Variants in TRPM6 observed in about 807,000 individuals in gnomAD.
TRPM6 encodes channel kinase 2.
Under a neutral mutation model 247.6 loss-of-function variants are expected in TRPM6, and 111 were observed. The observed-to-expected ratio is 0.45, with a 90% confidence interval of 0.38 to 0.52. TRPM6 has a LOEUF of 0.52. TRPM6 is among the 20% of genes least tolerant of loss of function. TRPM6 has a pLI of 0.00. For missense variants in TRPM6, 2,126 were observed against 2,421.5 expected (o/e 0.88, Z 2.56); for synonymous variants, 892 against 853.8 (o/e 1.04, Z -0.78).
Position 74,762,148 on chromosome 9 carries a change from T to C in TRPM6, c.4523A>G (p.Gln1508Arg). ...SLSDNSTRSA[Q>R]SSECSEVGPW... The stretch of plus-strand genomic sequence containing the variant: ...TCCCACCTCTGAGCATTCACTACTC[T>C]GGGCCGATCTTGTTGAGTTATCAGA... The change falls in exon 26 of 39, where the codon CAG (glutamine) becomes CGG (arginine). Residue 1508 changes from glutamine to arginine, a missense_variant. Physicochemically the swap from Gln to Arg is conservative, Grantham distance 43. Around this residue, in one of 3 missense-constraint regions of TRPM6, gnomAD observed 717 missense variants for 715.9 expected, o/e 1.00. Transcript: ENST00000360774. 6.2e-7 allele frequency: 1 copy of C among 1,614,212 alleles called. No individual in the cohort carries two copies. The highest frequency in any genetic ancestry group is 8.5e-7 in the Non-Finnish European group (1 of 1,180,020).
intron 1 of TRPM6, among the ~76,000 whole-genome samples, chr9:74,871,718 ACT>A (rs1491292445): frequency 7.2e-5 from 11 of 152,090 alleles, no homozygotes; most frequent in Admixed American, 6.6e-4. Context: ...CTTACGAGCA[ACT>A]TTTTTTTTGA....
intron 21 of TRPM6, among the ~76,000 whole-genome samples, chr9:74,785,340 A>T (rs7019994): frequency 0.32 from 47,976 of 151,950 alleles, 8,880 homozygotes; most frequent in African/African-American, 0.52. Context: ...TAATAATTAA[A>T]TGTACATTTA....
At chr9:74,880,843 A>G (rs1289946172) in intron 1 of TRPM6, among the ~76,000 whole-genome samples, 2 of 152,236 alleles carry the variant, frequency 1.3e-5, no homozygotes, top group African/African-American at 2.4e-5. Flanking sequence ...ATGATAAACA[A>G]TAAGAGAGAA....
intron 23 of TRPM6, among the ~76,000 whole-genome samples, chr9:74,780,918 A>C (rs1488063063): frequency 6.6e-6 from 1 of 152,200 alleles, no homozygotes; most frequent in African/African-American, 2.4e-5. Context: ...GATTTGGGAA[A>C]GACTACATTA....
intron 5 of TRPM6, among the ~76,000 whole-genome samples, chr9:74,839,098 G>A (rs945994897): frequency 5.6e-4 from 78 of 139,450 alleles, no homozygotes; most frequent in African/African-American, 1.9e-3. Flanking sequence ...TGACAAGAGC[G>A]AGACTTCATC....
intron 1 of TRPM6, among the ~76,000 whole-genome samples, chr9:74,871,736 G>T (rs1831037505): frequency 6.6e-6 from 1 of 151,828 alleles, no homozygotes; most frequent in Non-Finnish European, 1.5e-5. Context: ...TTTGAGAGGG[G>T]GTCTCACTAT....
At chr9:74,813,140 C>T (rs1828795379) in intron 11 of TRPM6, among the ~76,000 whole-genome samples, 1 of 152,134 alleles carries the variant, frequency 6.6e-6, no homozygotes, top group African/African-American at 2.4e-5. Context: ...GGCTTCTAGG[C>T]ACAAATGGCA....
intron 35 of TRPM6, among the ~76,000 whole-genome samples, chr9:74,738,974 T>G (rs1423271945): frequency 6.6e-6 from 1 of 152,218 alleles, no homozygotes; most frequent in East Asian, 1.9e-4. Flanking sequence ...GACACTCAAG[T>G]GAAAGTAACA....
intron 17 of TRPM6, among the ~76,000 whole-genome samples, chr9:74,799,563 C>T (rs1417030793): frequency 2.0e-5 from 3 of 148,398 alleles, no homozygotes; most frequent in African/African-American, 7.3e-5. Flanking sequence ...CACACACACA[C>T]ACACACACAT....
At chr9:74,750,988 A>T (rs998849267) in intron 29 of TRPM6, among the ~76,000 whole-genome samples, 4 of 152,172 alleles carry the variant, frequency 2.6e-5, no homozygotes, top group Admixed American at 6.5e-5. Context: ...AATATATGAA[A>T]TTTTTTACAG....
intron 3 of TRPM6, among the ~76,000 whole-genome samples, chr9:74,847,465 T>A (rs1278640436): frequency 6.6e-6 from 1 of 152,088 alleles, no homozygotes; most frequent in Non-Finnish European, 1.5e-5. Context: ...TTTTAATCAT[T>A]ATTTTAAGAT....
chr9:74,787,100 C>T (rs1217125016), intron 20 of TRPM6, among the ~76,000 whole-genome samples: 2 of 151,850 alleles, frequency 1.3e-5, no homozygotes, highest in Non-Finnish European at 2.9e-5. Flanking sequence ...TTTGGGAGGC[C>T]GAGGCAGGTG....
chr9:74,839,855 GAGGAAGGAAGGAAGGA>G (rs527635762), intron 5 of TRPM6, among the ~76,000 whole-genome samples, 153 bp downstream of exon 5: 3 of 72,536 alleles, frequency 4.1e-5, no homozygotes, highest in Non-Finnish European at 7.3e-5. Context: ...AGAAGAGAGA[GAGGAAGGAAGGAAGGA>G]AGGAAGGAAG....
At chr9:74,819,529 T>C (rs895337250) in intron 9 of TRPM6, among the ~76,000 whole-genome samples, 2 of 152,112 alleles carry the variant, frequency 1.3e-5, no homozygotes, top group Admixed American at 1.3e-4. Context: ...ATTAATTAAA[T>C]AAATTAATCT....
chr9:74,799,978 T>G (rs1587519572), intron 17 of TRPM6: 2 of 464,548 alleles, frequency 4.3e-6, no homozygotes, highest in Admixed American at 6.9e-5. Context: ...GCTAGGCAGG[T>G]GTCCCCTTCC....
Position 74,820,340 on chromosome 9 carries a change from G to A in TRPM6, c.1098C>T (p.Phe366=). 6.2e-7 allele frequency: 1 copy of A among 1,614,080 alleles called. No homozygotes were observed. The change falls in exon 9 of 39, where the codon TTC becomes TTT. Residue 366 remains phenylalanine, a synonymous_variant. Transcript: ENST00000360774. ...NFSLKQSKHL[F]QILMECMVHR... Reference sequence around the variant, plus strand: ...GAACCATACACTCCATTAGAATTTGGAAAAGGTGCTTGGACTGTTTAAGAC... The same window carrying A: ...GAACCATACACTCCATTAGAATTTGAAAAAGGTGCTTGGACTGTTTAAGAC...
Position 74,776,088 on chromosome 9 carries a change from A to G in TRPM6, c.3210-12T>C. The G allele has an allele frequency of 6.2e-7, 1 of 1,605,638 alleles. No homozygotes were observed. Among genetic ancestry groups the G allele is most frequent in the Non-Finnish European group, 8.5e-7 (1 of 1,172,380 alleles). On this transcript the variant is annotated splice_polypyrimidine_tract_variant and intron_variant, in intron 23 of 38. Transcript: ENST00000360774. ...CTAAGTAAACGTTGCTGTAAGATGAAGTAAGAGAGGGACAATGTTTTAATA... is the reference window on the plus strand; with the variant it reads ...CTAAGTAAACGTTGCTGTAAGATGAGGTAAGAGAGGGACAATGTTTTAATA...
chr9:74,802,602 G>C (rs1218275892), intron 15 of TRPM6, among the ~76,000 whole-genome samples: 1 of 152,112 alleles, frequency 6.6e-6, no homozygotes, highest in Non-Finnish European at 1.5e-5. Context: ...CAAGGAAATG[G>C]GTCGAAATAG....
chr9:74,804,032 CCAAAT>C, intron 14 of TRPM6, 146 bp from the exon 15 acceptor site: 1 of 673,040 alleles, frequency 1.5e-6, no homozygotes, highest in East Asian at 2.8e-5. Flanking sequence ...TTGTGTCCTA[CCAAAT>C]ATCCATGCCT....
Sources: gnomAD v4.1 joint callset for allele counts (sites outside exome capture counted in the v4.1 genomes callset) on GRCh38, gnomAD v4.1.1 for gene constraint, gnomAD v4.1.1 regional missense constraint, MANE v1.5 for transcripts, NCBI Gene and HGNC (gene_info 2026-07-23, HGNC 2026-07-21) for gene names.